Variants in PRKCA observed in about 807,000 individuals in gnomAD.
The protein encoded by PRKCA is protein kinase C alpha type.
A neutral mutation model predicts 87.0 loss-of-function variants in PRKCA; 27 were observed. That is an observed-to-expected ratio of 0.31 (90% CI 0.23 to 0.43). The LOEUF (loss-of-function observed/expected upper bound fraction) is 0.43, where lower values mean the gene tolerates loss of function less well. PRKCA is among the 20% of genes least tolerant of loss of function. The pLI, the probability that PRKCA is intolerant of heterozygous loss-of-function variation, is 1.00. For missense variants in PRKCA, 518 were observed against 852.3 expected (o/e 0.61, Z 4.88); for synonymous variants, 329 against 311.1 (o/e 1.06, Z -0.61).
intron 3 of PRKCA, among the ~76,000 whole-genome samples, chr17:66,532,693 C>T (rs1412663735): frequency 6.6e-6 from 1 of 152,150 alleles, no homozygotes; most frequent in Non-Finnish European, 1.5e-5. Flanking sequence ...CCATCTCCTT[C>T]CCTCTTTGCA....
intron 3 of PRKCA, among the ~76,000 whole-genome samples, chr17:66,632,766 C>T (rs1318577256): frequency 6.6e-6 from 1 of 152,178 alleles, no homozygotes; most frequent in Non-Finnish European, 1.5e-5. Flanking sequence ...GATTTAACTG[C>T]CATGGAGTAT....
intron 2 of PRKCA, among the ~76,000 whole-genome samples, chr17:66,339,147 A>C (rs1906886216): frequency 6.6e-6 from 1 of 152,224 alleles, no homozygotes; most frequent in Non-Finnish European, 1.5e-5. Context: ...TACAGTATCA[A>C]CCAAGAGATA....
At chr17:66,545,109 A>G (rs1407773091) in intron 3 of PRKCA, among the ~76,000 whole-genome samples, 2 of 152,182 alleles carry the variant, frequency 1.3e-5, no homozygotes, top group African/African-American at 4.8e-5. Context: ...TGTTATTTCT[A>G]CTTGTCAGTG....
intron 3 of PRKCA, among the ~76,000 whole-genome samples, chr17:66,543,520 T>G (rs1052691900): frequency 6.6e-6 from 1 of 152,176 alleles, no homozygotes; most frequent in Non-Finnish European, 1.5e-5. Flanking sequence ...ATTACATTCT[T>G]TTGAACATTA....
At chr17:66,537,311 A>T (rs964546359) in intron 3 of PRKCA, among the ~76,000 whole-genome samples, 9 of 152,174 alleles carry the variant, frequency 5.9e-5, no homozygotes, top group Non-Finnish European at 1.3e-4. Flanking sequence ...GCTTGCAGGT[A>T]AGTATGATTG....
intron 2 of PRKCA, among the ~76,000 whole-genome samples, chr17:66,379,486 C>T (rs1216292210): frequency 6.6e-6 from 1 of 152,164 alleles, no homozygotes; most frequent in African/African-American, 2.4e-5. Context: ...TTTATATATT[C>T]TAAACATGAA....
At chr17:66,753,648 T>C (rs917884789) in intron 13 of PRKCA, among the ~76,000 whole-genome samples, 3 of 152,070 alleles carry the variant, frequency 2.0e-5, no homozygotes, top group Non-Finnish European at 4.4e-5. Flanking sequence ...TAATCTCCAG[T>C]GTGACTGTTC....
intron 1 of PRKCA, among the ~76,000 whole-genome samples, chr17:66,303,629 A>C (rs1204901394): frequency 2.6e-5 from 4 of 151,908 alleles, no homozygotes; most frequent in East Asian, 1.9e-4. Context: ...AGAGAGAGAG[A>C]GCAAACTGTT....
intron 8 of PRKCA, among the ~76,000 whole-genome samples, chr17:66,723,656 A>T (rs1567996739): frequency 6.6e-6 from 1 of 151,600 alleles, no homozygotes; most frequent in African/African-American, 2.4e-5. Context: ...AAGGAAGATG[A>T]CGACCAGGGT....
At chr17:66,589,438 T>G (rs976602549) in intron 3 of PRKCA, among the ~76,000 whole-genome samples, 2 of 152,228 alleles carry the variant, frequency 1.3e-5, no homozygotes, top group Admixed American at 6.5e-5. Flanking sequence ...AGTGGCAGCT[T>G]TAATGGCTGT....
At chr17:66,750,317 C>T (rs914218455) in intron 13 of PRKCA, among the ~76,000 whole-genome samples, 9 of 152,172 alleles carry the variant, frequency 5.9e-5, no homozygotes, top group African/African-American at 2.2e-4. Flanking sequence ...AGGCCAATTT[C>T]CCTCTATGGA....
In PRKCA at chr17:66,610,056, A is replaced by C. The variant is rs564014866; in HGVS notation, c.289-31299A>C. The stretch of plus-strand genomic sequence containing the variant: ...GTTCAGTCCCACAACACTGCCCCCC[A>C]CCATCCCTGCTTCAGACACTACTCA... On this transcript the variant is annotated intron_variant, in intron 3 of 16. Transcript: ENST00000413366. 9.2e-5 allele frequency among the ~76,000 whole-genome samples: 14 copies of C among 152,238 alleles called. No individual in the cohort carries two copies. In the South Asian group the frequency reaches 1.9e-3, roughly 20 times the overall value.
At chr17:66,554,979 G>A (rs1968452529) in intron 3 of PRKCA, among the ~76,000 whole-genome samples, 1 of 151,686 alleles carries the variant, frequency 6.6e-6, no homozygotes, top group African/African-American at 2.4e-5. Flanking sequence ...TCAGGTTCTG[G>A]CAATTCTCCT....
intron 3 of PRKCA, among the ~76,000 whole-genome samples, chr17:66,539,121 CTG>C (rs1248564038): frequency 6.6e-6 from 1 of 152,186 alleles, no homozygotes; most frequent in Admixed American, 6.5e-5. Flanking sequence ...TTATTGGAGA[CTG>C]AGTTTCATGT....
chr17:66,579,872 T>TA lies in PRKCA; in HGVS notation c.289-61473dup, dbSNP rs1030014605. ...GAGAGAGGAATTATACACCGAAGGT[T>TA]AAAAAAAAAATCGGGGGTTGGACTT... On this transcript the variant is annotated intron_variant, in intron 3 of 16. Coordinates refer to ENST00000413366, the MANE Select transcript of PRKCA (RefSeq NM_002737.3). Among the ~76,000 whole-genome samples, 37 of 149,430 alleles carry TA rather than the reference T, an allele frequency of 2.5e-4. No individual in the cohort carries two copies. The South Asian group carries it at 3.6e-3, about 15-fold the overall frequency.
At chr17:66,620,360 G>A (rs1169129353) in intron 3 of PRKCA, among the ~76,000 whole-genome samples, 1 of 152,064 alleles carries the variant, frequency 6.6e-6, no homozygotes, top group African/African-American at 2.4e-5. Context: ...TCAGTAAATG[G>A]CGATTCCACC....
chr17:66,560,677 G>A (rs143556466), intron 3 of PRKCA, among the ~76,000 whole-genome samples: 193 of 152,248 alleles, frequency 1.3e-3, no homozygotes, highest in African/African-American at 4.2e-3. Context: ...CTATGACACC[G>A]TTCAAAGTCT....
rs375936045 is a variant in PRKCA, at chr17:66,403,618, G to A, written c.206-92583G>A. The A allele has an allele frequency of 4.6e-5, 7 of 152,206 alleles. No individual in the cohort carries two copies. In the East Asian group the frequency reaches 5.8e-4, roughly 13 times the overall value. The allele number at this position is 152,206 out of a possible 1,614,324, so 9.4% of individuals were successfully genotyped here. A position where few individuals can be genotyped will look rare whatever the true frequency, so the allele number is the denominator to read the frequency against. ...AGTTTTTTTCAGGTATGAATACCTA[G>A]CTCCCTGCAGGAGGGCAAATGTTGA... is the stretch of plus-strand genomic sequence containing the variant. On this transcript the variant is annotated intron_variant, in intron 2 of 16. Coordinates refer to ENST00000413366, the MANE Select transcript of PRKCA (RefSeq NM_002737.3).
At chr17:66,376,312 A>T (rs1289751181) in intron 2 of PRKCA, among the ~76,000 whole-genome samples, 1 of 152,152 alleles carries the variant, frequency 6.6e-6, no homozygotes, top group Non-Finnish European at 1.5e-5. Flanking sequence ...TGGTAGTAAA[A>T]GAACAGGTGG....
Sources: gnomAD v4.1 joint callset for allele counts (sites outside exome capture counted in the v4.1 genomes callset) on GRCh38, gnomAD v4.1.1 for gene constraint, MANE v1.5 for transcripts, NCBI Gene and HGNC (gene_info 2026-07-23, HGNC 2026-07-21) for gene names.